The following DDX60L variants were observed in gnomAD, a reference collection of about 807,000 sequenced individuals.
DDX60L encodes the protein probable ATP-dependent RNA helicase DDX60-like.
In DDX60L, 191 loss-of-function variants were observed where a neutral mutation model predicts 211.6. The ratio of observed to expected loss-of-function variants is 0.90; its 90% CI spans 0.80 to 1.02. The LOEUF is 1.02. Ranked by LOEUF, DDX60L falls within the 50% of genes least tolerant of loss-of-function variation. DDX60L has a pLI of 0.00. For missense variants in DDX60L, 2,007 were observed against 1,984.1 expected, an observed-to-expected ratio of 1.01 and a Z score of -0.22; for synonymous variants, 706 against 694.1, an observed-to-expected ratio of 1.02 and a Z score of -0.27.
chr4:168,362,876 T>C (rs1739339988), intron 36 of DDX60L, among the ~76,000 whole-genome samples: 5 of 152,174 alleles, frequency 3.3e-5, no homozygotes, highest in Admixed American at 3.3e-4. Flanking sequence ...GAGGGAGAAG[T>C]AGAGAGATAT....
At chr4:168,448,034 A>G (rs183713309) in intron 9 of DDX60L, among the ~76,000 whole-genome samples, 3 of 152,168 alleles carry the variant, frequency 2.0e-5, no homozygotes, top group Admixed American at 6.5e-5. Flanking sequence ...ATAATAAAAA[A>G]AAAAGGAGTT....
intron 30 of DDX60L, among the ~76,000 whole-genome samples, chr4:168,381,597 A>C (rs202059075): frequency 2.1e-4 from 28 of 133,546 alleles, no homozygotes; most frequent in Non-Finnish European, 4.6e-4. Flanking sequence ...AAAAAAAAAA[A>C]CTATAACTAG....
intron 1 of DDX60L, among the ~76,000 whole-genome samples, chr4:168,476,299 AAAG>A (rs1443827684): frequency 2.0e-5 from 3 of 152,188 alleles, no homozygotes; most frequent in East Asian, 3.9e-4. Context: ...CAAAAAAATA[AAAG>A]AAGAAATGAG....
chr4:168,428,711 G>C (rs1209983476), intron 13 of DDX60L, among the ~76,000 whole-genome samples: 1 of 152,194 alleles, frequency 6.6e-6, no homozygotes, highest in Admixed American at 6.5e-5. Context: ...GAGGCTAAGA[G>C]AGAAGTACTG....
intron 29 of DDX60L, among the ~76,000 whole-genome samples, chr4:168,388,940 C>T (rs1744347185): frequency 6.6e-6 from 1 of 152,162 alleles, no homozygotes; most frequent in Non-Finnish European, 1.5e-5. Flanking sequence ...CTAGAGCAAT[C>T]CCAGGAGTAT....
chr4:168,448,388 TATC>T (rs1287011291), intron 9 of DDX60L, among the ~76,000 whole-genome samples: 4 of 152,164 alleles, frequency 2.6e-5, no homozygotes, highest in Admixed American at 2.0e-4. Context: ...CGTTATAAAA[TATC>T]ATGCATCTAC....
intron 29 of DDX60L, 78 bp downstream of exon 29, chr4:168,391,462 T>C: frequency 1.1e-6 from 1 of 932,806 alleles, no homozygotes; most frequent in Non-Finnish European, 1.7e-6. Flanking sequence ...CGTAGCCTGT[T>C]ACCAGATGTG....
chr4:168,461,798 T>C lies in DDX60L; in HGVS notation c.507A>G (p.Lys169=), dbSNP rs1469998682. The change falls in exon 5 of 38, where the codon AAA becomes AAG. Residue 169 remains lysine, a synonymous_variant. Transcript: ENST00000682922. ...GCCCTGATGAAAGCACAACATTGAC[T>C]TTCATTCCCCAGGAATGTATGATTA... ...NFLIIHSWGM[K]VNVVLSSGHE... The C allele has an allele frequency of 2.5e-6, 4 of 1,605,954 alleles. No homozygotes were observed. The Admixed American group carries it at 5.1e-5, about 20-fold the overall frequency.
intron 36 of DDX60L, among the ~76,000 whole-genome samples, chr4:168,368,557 C>G (rs1740401460): frequency 6.6e-6 from 1 of 152,208 alleles, no homozygotes; most frequent in African/African-American, 2.4e-5. Context: ...CTAAGTGGGG[C>G]ACTGCCTAGT....
At position 168,427,301 on chromosome 4, in the gene DDX60L, T is replaced by G; in HGVS notation, c.1699A>C (p.Thr567Pro). Residue 567 changes from threonine to proline, a missense_variant, in exon 14 of 38, where the codon ACC becomes CCC. Coordinates refer to ENST00000682922, the MANE Select transcript of DDX60L (RefSeq NM_001012967.3). ...ILQNTKPHQITKKSKKKSFLK... is the reference protein window; with the variant it reads ...ILQNTKPHQIPKKSKKKSFLK... ...AATGACTTTTTCTTACTCTTTTTGG[T>G]AATTTGGTGGGGTTTGGTATTCTGC... 1 of 1,613,344 alleles carries G rather than the reference T, an allele frequency of 6.2e-7. No homozygotes were observed. The highest frequency in any genetic ancestry group is 8.5e-7 in the Non-Finnish European group (1 of 1,179,760).
In DDX60L at chr4:168,379,646, G is replaced by C. The variant is rs532154150; in HGVS notation, c.4221+80C>G. 1.6e-4 allele frequency: 199 copies of C among 1,281,174 alleles called. No individual in the cohort carries two copies. The East Asian group carries it at 4.7e-3, about 30-fold the overall frequency. 79.4% of individuals were successfully genotyped at this position (1,281,174 alleles called of 1,614,324 possible). A position where few individuals can be genotyped will look rare whatever the true frequency, so the allele number is the denominator to read the frequency against. On this transcript the variant is annotated intron_variant, in intron 31 of 37. Coordinates refer to ENST00000682922, the MANE Select transcript of DDX60L (RefSeq NM_001012967.3). ...ACATTATCATTGAATGCAGATTATA[G>C]AAATTTCAGTTGGTTTAGCATAGAA...
chr4:168,386,899 TTAGA>T (rs1211134836), intron 29 of DDX60L, among the ~76,000 whole-genome samples: 6 of 152,144 alleles, frequency 3.9e-5, no homozygotes, highest in Non-Finnish European at 8.8e-5. Flanking sequence ...TATACATATT[TTAGA>T]TAGAGAGCAA....
intron 14 of DDX60L, among the ~76,000 whole-genome samples, chr4:168,424,728 CAGA>C (rs928273721): frequency 6.6e-6 from 1 of 152,020 alleles, no homozygotes; most frequent in Non-Finnish European, 1.5e-5. Context: ...TAGAGACAAG[CAGA>C]AGAACATCTG....
At chr4:168,472,912 A>T in intron 1 of DDX60L, 103 bp from the exon 2 acceptor site, 1 of 560,174 alleles carries the variant, frequency 1.8e-6, no homozygotes, top group Non-Finnish European at 3.1e-6. Context: ...CTAGTAAATA[A>T]GCAAAGATTG....
At chr4:168,401,111 C>G (rs1020305275) in intron 25 of DDX60L, 133 bp from the exon 26 acceptor site, 15 of 775,738 alleles carry the variant, frequency 1.9e-5, no homozygotes, top group Non-Finnish European at 3.0e-5. Context: ...AAAATTTAAA[C>G]TGAAAGACTG....
At chr4:168,388,174 A>G (rs537384639) in intron 29 of DDX60L, among the ~76,000 whole-genome samples, 1 of 152,240 alleles carries the variant, frequency 6.6e-6, no homozygotes, top group Non-Finnish European at 1.5e-5. Context: ...GTGAAAGAAC[A>G]AGCGCAATCA....
At chr4:168,429,167 CAG>C (rs1439447999) in intron 13 of DDX60L, among the ~76,000 whole-genome samples, 4 of 151,528 alleles carry the variant, frequency 2.6e-5, no homozygotes, top group African/African-American at 2.4e-5. Flanking sequence ...TTTTTTTAGA[CAG>C]AGTCTTGCTC....
intron 1 of DDX60L, 23 bp from the exon 2 acceptor site, chr4:168,472,832 A>T: frequency 1.1e-6 from 1 of 922,142 alleles, no homozygotes; most frequent in East Asian, 2.5e-5. Context: ...AAAAAATAGA[A>T]CTGCAGTTAT....
At chr4:168,478,116 A>G (rs1371782276) in intron 1 of DDX60L, among the ~76,000 whole-genome samples, 1 of 151,940 alleles carries the variant, frequency 6.6e-6, no homozygotes, top group Admixed American at 6.6e-5. Flanking sequence ...AAAAGAGGAG[A>G]AGAAGGAAGG....
Sources: allele counts gnomAD v4.1 joint callset (sites outside exome capture counted in the v4.1 genomes callset), GRCh38; gene constraint gnomAD v4.1.1; transcripts MANE v1.5; gene names NCBI Gene and HGNC (gene_info 2026-07-23, HGNC 2026-07-21).